Variants in SOD2 observed in about 807,000 individuals in gnomAD.
SOD2 encodes the protein superoxide dismutase [Mn], mitochondrial.
A neutral mutation model predicts 27.0 loss-of-function variants in SOD2; 11 were observed. The ratio of observed to expected loss-of-function variants is 0.41; its 90% CI spans 0.26 to 0.67. The LOEUF is 0.67. Among genes scored for constraint, SOD2 ranks in the 30% least tolerant of loss-of-function variants. The probability of loss-of-function intolerance (pLI) is 0.34; values close to 1 mark genes in which losing one functional copy is unlikely to be tolerated. For synonymous variants in SOD2, 105 were observed against 103.0 expected, an observed-to-expected ratio of 1.02 and a Z score of -0.12; for missense variants, 250 against 274.5, an observed-to-expected ratio of 0.91 and a Z score of 0.63.
rs55945447 is a variant in SOD2, at chr6:159,761,962, G to C, written c.-1261C>G. The C allele has an allele frequency of 6.3e-3, 7,006 of 1,104,136 alleles. 71 individuals are homozygous for C. Among genetic ancestry groups the C allele is most frequent in the Middle Eastern group, 0.051 (182 of 3,556 alleles). 68.4% of individuals were successfully genotyped at this position (1,104,136 alleles called of 1,614,324 possible). The stretch of plus-strand genomic sequence containing the variant: ...AGTGGGATGCGCGGGGAGGTGGTGC[G>C]CGGGGAGGTGGAGGGCGAGGGGCGG... On this transcript the variant is annotated 5_prime_UTR_variant, in exon 1 of 8. Coordinates refer to the SOD2 transcript ENST00000546087.
chr6:159,753,514 A>G (rs746761383), intron 1 of SOD2: 22 of 1,614,246 alleles, frequency 1.4e-5, no homozygotes, highest in Non-Finnish European at 1.9e-5. Context: ...AGGAGAATCA[A>G]GAGCTTGGAA....
At position 159,711,914 on chromosome 6, in the gene SOD2, A is replaced by T. The variant is rs1469016190; in HGVS notation, c.-116+15215T>A. ...AACCACCACTCACATTGCTCTGATC[A>T]CCATAACCACCTCCACAACCACCAC... On this transcript the variant is annotated intron_variant, in intron 1 of 2. Transcript: ENST00000401980. 3.3e-4 allele frequency among the ~76,000 whole-genome samples: 42 copies of T among 127,386 alleles called. 4 individuals carry two copies. Among genetic ancestry groups the T allele is most frequent in the Admixed American group, 1.5e-4 (2 of 12,992 alleles). The allele number at this position is 127,386 out of a possible 152,430, so 83.6% of individuals were successfully genotyped here.
chr6:159,752,611 T>C (rs1362890023), intron 1 of SOD2, among the ~76,000 whole-genome samples: 1 of 152,220 alleles, frequency 6.6e-6, no homozygotes, highest in East Asian at 1.9e-4. Context: ...CCACTGGTCT[T>C]ATTTTTGTGT....
At chr6:159,736,050 TC>T (rs1778893229) in intron 1 of SOD2, among the ~76,000 whole-genome samples, 2 of 152,280 alleles carry the variant, frequency 1.3e-5, no homozygotes, top group African/African-American at 4.8e-5. Flanking sequence ...CAAAGGAAGA[TC>T]TGGGTACAGA....
intron 1 of SOD2, among the ~76,000 whole-genome samples, chr6:159,711,787 A>AG (rs539108694): frequency 2.6e-5 from 1 of 38,578 alleles, no homozygotes; most frequent in Non-Finnish European, 5.6e-5. Flanking sequence ...ACCACCACTC[A>AG]CATTGCTCTG....
At chr6:159,685,126 C>CG in intron 3 of SOD2, 93 bp from the exon 4 acceptor site, 2 of 809,386 alleles carry the variant, frequency 2.5e-6, no homozygotes, top group Non-Finnish European at 3.4e-6. Context: ...ATATTTTTGT[C>CG]ATAGGGCCCA....
chr6:159,698,447 C>T (rs1462105903), intron 1 of SOD2, among the ~76,000 whole-genome samples: 2 of 151,558 alleles, frequency 1.3e-5, no homozygotes, highest in African/African-American at 4.9e-5. Context: ...TGGCAAGCAC[C>T]TGCAGTCCCA....
chr6:159,750,114 TCTCA>T (rs1562465968), upstream of SOD2, among the ~76,000 whole-genome samples: 3 of 152,356 alleles, frequency 2.0e-5, no homozygotes, highest in Admixed American at 2.0e-4. Flanking sequence ...CTTCTAAAAT[TCTCA>T]CTATTTGTGA....
chr6:159,689,693 C>T lies in SOD2; in HGVS notation c.227-1451G>A, dbSNP rs191655034. ...CATATGTCTGGGCCGGGTGCGGTGG[C>T]TCACGCCTGTAATCTCAGCACTTTG... On this transcript the variant is annotated intron_variant, in intron 2 of 4. Transcript: ENST00000538183. Among the ~76,000 whole-genome samples, 1,167 of 152,304 alleles carry T rather than the reference C, an allele frequency of 7.7e-3. 15 individuals are homozygous for T. The highest frequency in any genetic ancestry group is 0.026 in the African/African-American group (1,071 of 41,558).
chr6:159,721,437 T>C (rs1419917990), intron 1 of SOD2, among the ~76,000 whole-genome samples: 1 of 151,792 alleles, frequency 6.6e-6, no homozygotes, highest in Non-Finnish European at 1.5e-5. Flanking sequence ...GGTGCGATCT[T>C]GGCTCACCAC....
rs572176093 is a variant in SOD2, at chr6:159,710,773, T to C, written c.-116+16356A>G. ...ACCACTCATACTGCTCTGACCTCCA[T>C]AACCACCACTCAGCTGCTCTGACCT... On this transcript the variant is annotated intron_variant, in intron 1 of 2. Coordinates refer to the SOD2 transcript ENST00000401980. 4.7e-5 allele frequency among the ~76,000 whole-genome samples: 7 copies of C among 150,180 alleles called. No homozygotes were observed. The South Asian group carries it at 1.1e-3, about 23-fold the overall frequency.
At chr6:159,755,716 C>T (rs1376996442) in intron 1 of SOD2, 78 of 1,079,580 alleles carry the variant, frequency 7.2e-5, no homozygotes, top group African/African-American at 4.1e-4. Context: ...TGTGGGTGTA[C>T]GTTTTGGTTT....
In SOD2 at chr6:159,682,653, G is replaced by A. The variant is rs1780013858; in HGVS notation, c.524-15C>T. On this transcript the variant is annotated splice_polypyrimidine_tract_variant and intron_variant, in intron 4 of 4. Transcript: ENST00000538183. ...TGGAATAAGGCCTGTTAGAAAGAAG[G>A]GGAAAACAAACCAACCATCAGTTTC... The A allele has an allele frequency of 1.9e-6, 3 of 1,595,290 alleles. No homozygotes were observed. The highest frequency in any genetic ancestry group is 2.6e-6 in the Non-Finnish European group (3 of 1,172,880).
chr6:159,728,638 CATTTAAAACCGTA>C (rs1422092652), upstream of SOD2, among the ~76,000 whole-genome samples: 3 of 152,100 alleles, frequency 2.0e-5, no homozygotes, highest in Non-Finnish European at 4.4e-5. Context: ...ATGTTGTGGA[CATTTAAAACCGTA>C]ATTTAAAACT....
exon 1 of SOD2, chr6:159,762,266 G>A: frequency 7.5e-7 from 1 of 1,326,434 alleles, no homozygotes; most frequent in Admixed American, 2.7e-5. Context: ...AAGCCGCGAG[G>A]AGCCGCGGGA....
At chr6:159,689,895 G>C (rs1298411570) in intron 2 of SOD2, among the ~76,000 whole-genome samples, 1 of 151,750 alleles carries the variant, frequency 6.6e-6, no homozygotes, top group East Asian at 1.9e-4. Context: ...AGGAGGCAGA[G>C]GTTGCAGTGA....
At chr6:159,732,903 G>GTGTGTT (rs1778676780) in intron 1 of SOD2, among the ~76,000 whole-genome samples, 1 of 151,142 alleles carries the variant, frequency 6.6e-6, no homozygotes, top group African/African-American at 2.4e-5. Flanking sequence ...GTGTGTGTGT[G>GTGTGTT]TGTGTGTGTG....
At chr6:159,706,274 C>G (rs546975257) in intron 1 of SOD2, among the ~76,000 whole-genome samples, 1 of 152,092 alleles carries the variant, frequency 6.6e-6, no homozygotes, top group Middle Eastern at 3.2e-3. Flanking sequence ...ATAATATTAA[C>G]CTTAAATGTA....
chr6:159,722,468 G>A (rs973647978), intron 1 of SOD2, among the ~76,000 whole-genome samples: 2 of 152,184 alleles, frequency 1.3e-5, no homozygotes, highest in African/African-American at 4.8e-5. Flanking sequence ...TCAAATTGGT[G>A]TAATAGACAC....
Sources: allele counts gnomAD v4.1 joint callset (sites outside exome capture counted in the v4.1 genomes callset), GRCh38; gene constraint gnomAD v4.1.1; transcripts MANE v1.5; gene names NCBI Gene and HGNC (gene_info 2026-07-23, HGNC 2026-07-21).